PRELID2: variants seen among roughly 807,000 people sequenced by gnomAD.
PRELID2 encodes PRELI domain containing 2, also known as PRELI domain-containing protein 2.
PRELID2 carries 25 observed loss-of-function variants against 28.4 expected under a neutral mutation model. The observed-to-expected ratio is 0.88, with a 90% CI of 0.64 to 1.23. The LOEUF (loss-of-function observed/expected upper bound fraction) is 1.23. Ranked by LOEUF, PRELID2 falls within the 50% of genes most tolerant of loss-of-function variation. The probability of loss-of-function intolerance (pLI) is 0.00; values close to 1 mark genes in which losing one functional copy is unlikely to be tolerated. For missense variants in PRELID2, 201 were observed against 214.4 expected, an observed-to-expected ratio of 0.94 and a Z score of 0.39; for synonymous variants, 76 against 71.6, an observed-to-expected ratio of 1.06 and a Z score of -0.31.
chr5:145,791,245 C>T lies in PRELID2; in HGVS notation c.474+5197G>A, dbSNP rs528700804. Among the ~76,000 whole-genome samples, 698 of 152,112 alleles carry T rather than the reference C, an allele frequency of 4.6e-3. 4 individuals are homozygous for T. Among genetic ancestry groups the T allele is most frequent in the Non-Finnish European group, 7.0e-3 (475 of 67,988 alleles). Reference sequence around the variant, plus strand: ...GAGAACAGGATGGAGGAAACAGCCCCCATGATTCAATTATCTCCACCTGGC... The same window carrying T: ...GAGAACAGGATGGAGGAAACAGCCCTCATGATTCAATTATCTCCACCTGGC... On this transcript the variant is annotated intron_variant, in intron 5 of 6. Coordinates refer to ENST00000683046, the MANE Select transcript of PRELID2 (RefSeq NM_205846.3).
chr5:145,313,102 C>T, the PRELID2 span, among the ~76,000 whole-genome samples: 1 of 152,044 alleles, frequency 6.6e-6, no homozygotes, highest in African/African-American at 2.4e-5. Flanking sequence ...TTTTAACAAG[C>T]TCTCAATAAT....
the PRELID2 span, among the ~76,000 whole-genome samples, chr5:145,298,477 GATTA>G: frequency 6.6e-6 from 1 of 152,146 alleles, no homozygotes; most frequent in Non-Finnish European, 1.5e-5. Context: ...ATTCAAGATG[GATTA>G]AAGACTTAAA....
rs532556100 is a variant in PRELID2 at position 145,799,025 on chromosome 5, A to AATATATAT, written c.369-2486_369-2479dup. 6.6e-4 allele frequency among the ~76,000 whole-genome samples: 97 copies of AATATATAT among 148,012 alleles called. 1 individual carries two copies. In the East Asian group the frequency reaches 0.017, roughly 26 times the overall value. On this transcript the variant is annotated intron_variant, in intron 4 of 6. Transcript: ENST00000683046. ...TACCCTAGAACTTAAAGTATAATAA[A>AATATATAT]ATATATATATATATATAAAAGACTC...
the PRELID2 span, among the ~76,000 whole-genome samples, chr5:145,247,674 C>G: frequency 6.6e-6 from 1 of 152,068 alleles, no homozygotes; most frequent in Non-Finnish European, 1.5e-5. Flanking sequence ...CTGGGCAAAG[C>G]AAGAAGTATA....
chr5:145,766,011 A>T (rs1757729616), intron 5 of PRELID2, among the ~76,000 whole-genome samples: 1 of 152,130 alleles, frequency 6.6e-6, no homozygotes, highest in South Asian at 2.1e-4. Flanking sequence ...ATACCCACCT[A>T]TCTACTCAGC....
At chr5:145,797,928 C>T (rs1752877618) in intron 4 of PRELID2, among the ~76,000 whole-genome samples, 1 of 151,856 alleles carries the variant, frequency 6.6e-6, no homozygotes, top group African/African-American at 2.4e-5. Flanking sequence ...AAATAACCAT[C>T]TTAAAATGCT....
the PRELID2 span, among the ~76,000 whole-genome samples, chr5:145,287,828 A>G: frequency 6.6e-6 from 1 of 152,244 alleles, no homozygotes; most frequent in South Asian, 2.1e-4. Flanking sequence ...CTCACATTAC[A>G]TTTAGTCATA....
chr5:145,391,657 C>T, the PRELID2 span, among the ~76,000 whole-genome samples: 9 of 151,774 alleles, frequency 5.9e-5, no homozygotes, highest in East Asian at 1.7e-3. Flanking sequence ...CTGTAGAGGG[C>T]TTACATTTCT....
intron 4 of PRELID2, among the ~76,000 whole-genome samples, chr5:145,797,805 C>T (rs994385413): frequency 2.0e-5 from 3 of 151,846 alleles, no homozygotes; most frequent in Admixed American, 6.6e-5. Flanking sequence ...AACAAAAGAT[C>T]ACAATGCATG....
the PRELID2 span, among the ~76,000 whole-genome samples, chr5:145,232,522 G>A: frequency 6.6e-6 from 1 of 152,100 alleles, no homozygotes; most frequent in African/African-American, 2.4e-5. Flanking sequence ...AGAAGAGTAA[G>A]GTCTTGTTGA....
At chr5:145,254,041 G>A in the PRELID2 span, among the ~76,000 whole-genome samples, 1 of 151,896 alleles carries the variant, frequency 6.6e-6, no homozygotes, top group African/African-American at 2.4e-5. Flanking sequence ...CGACAAGAAG[G>A]CAGTGTCACC....
the PRELID2 span, among the ~76,000 whole-genome samples, chr5:145,237,573 T>A: frequency 5.5e-4 from 84 of 152,158 alleles, no homozygotes; most frequent in African/African-American, 2.0e-3. Flanking sequence ...AGATGACACG[T>A]TTGCTGGTCT....
chr5:145,410,968 G>T, the PRELID2 span, among the ~76,000 whole-genome samples: 2 of 151,878 alleles, frequency 1.3e-5, no homozygotes, highest in Non-Finnish European at 2.9e-5. Context: ...AGATACAATG[G>T]TGGTACAGGC....
At chr5:145,826,410 A>T (rs10477288) in intron 1 of PRELID2, among the ~76,000 whole-genome samples, 6,313 of 152,234 alleles carry the variant, frequency 0.041, 429 homozygotes, top group African/African-American at 0.14. Flanking sequence ...TGTGCAAGAG[A>T]ACGATCCCAC....
chr5:145,507,303 T>C (rs1233465468), intron 1 of PRELID2, among the ~76,000 whole-genome samples: 1 of 152,058 alleles, frequency 6.6e-6, no homozygotes, highest in Non-Finnish European at 1.5e-5. Flanking sequence ...GTTCTAGCAG[T>C]GTATGACCTA....
chr5:145,830,114 A>G (rs1295625060), intron 1 of PRELID2, among the ~76,000 whole-genome samples: 1 of 152,170 alleles, frequency 6.6e-6, no homozygotes, highest in African/African-American at 2.4e-5. Context: ...TCCCCAAAAG[A>G]GTCAGTTCAT....
At chr5:145,723,233 A>T (rs1334083293) in intron 1 of PRELID2, among the ~76,000 whole-genome samples, 1 of 152,210 alleles carries the variant, frequency 6.6e-6, no homozygotes, top group Non-Finnish European at 1.5e-5. Flanking sequence ...TGTATCATAA[A>T]TATAAGAAAT....
the PRELID2 span, among the ~76,000 whole-genome samples, chr5:145,464,633 G>T: frequency 6.6e-6 from 1 of 152,086 alleles, no homozygotes. Context: ...TTAAGACAGA[G>T]ATATATGGAT....
rs575368484 is a variant in PRELID2 at position 145,603,530 on chromosome 5, G to A, written n.71-130215C>T. On this transcript the variant is annotated intron_variant and non_coding_transcript_variant, in intron 1 of 2. Transcript: ENST00000510259. ...TCAAACAAAGAACTGATAGTTCACC[G>A]CCAGAAGACTTACAAAATAAGACAA... 1.3e-4 allele frequency among the ~76,000 whole-genome samples: 20 copies of A among 152,126 alleles called. 1 individual carries two copies. Among genetic ancestry groups the A allele is most frequent in the African/African-American group, 2.9e-4 (12 of 41,524 alleles).
Sources: allele counts gnomAD v4.1 joint callset (sites outside exome capture counted in the v4.1 genomes callset), GRCh38; gene constraint gnomAD v4.1.1; transcripts MANE v1.5; gene names NCBI Gene and HGNC (gene_info 2026-07-23, HGNC 2026-07-21).